The following MRE11 variants were observed in gnomAD, a reference collection of about 807,000 sequenced individuals.
MRE11 encodes the protein double-strand break repair protein MRE11.
A neutral mutation model predicts 91.7 loss-of-function variants in MRE11; 62 were observed. That is an observed-to-expected ratio of 0.68 (90% CI 0.55 to 0.84). MRE11 has a LOEUF of 0.84. Among genes scored for constraint, MRE11 ranks in the 40% least tolerant of loss-of-function variants. The pLI is 0.00. For synonymous variants in MRE11, 273 were observed against 271.4 expected (o/e 1.01, Z -0.06); for missense variants, 796 against 852.9 (o/e 0.93, Z 0.83).
chr11:94,507,335 T>A, the MRE11 span, among the ~76,000 whole-genome samples: 1 of 152,252 alleles, frequency 6.6e-6, no homozygotes, highest in Admixed American at 6.5e-5. Context: ...TTCCGTTATA[T>A]GAATATGTAA....
intron 11 of MRE11, 85 bp from the exon 12 acceptor site, chr11:94,461,121 G>T: frequency 8.4e-7 from 1 of 1,194,624 alleles, no homozygotes; most frequent in Non-Finnish European, 1.2e-6. Context: ...AGTGGAGAAG[G>T]TAAGGCCAAA....
chr11:94,426,768 T>C (rs1278976007), intron 19 of MRE11, among the ~76,000 whole-genome samples: 1 of 152,202 alleles, frequency 6.6e-6, no homozygotes, highest in African/African-American at 2.4e-5. Flanking sequence ...TAGAGACTAC[T>C]ATGAATAACT....
At chr11:94,460,024 A>C (rs910915919) in intron 12 of MRE11, among the ~76,000 whole-genome samples, 1 of 152,166 alleles carries the variant, frequency 6.6e-6, no homozygotes, top group Non-Finnish European at 1.5e-5. Flanking sequence ...AAAGCACAAG[A>C]GGGAGGCAGA....
chr11:94,418,304 T>C lies in MRE11; in HGVS notation c.*1821A>G. On this transcript the variant is annotated 3_prime_UTR_variant, in exon 20 of 20. Transcript: ENST00000323929. The stretch of plus-strand genomic sequence containing the variant: ...AATTAGCTGGAGAGATTTATCACCC[T>C]CTGTAACTGCTATGTCATCACTTTC... 1 of 233,182 alleles carries C rather than the reference T, an allele frequency of 4.3e-6. No homozygotes were observed. The highest frequency in any genetic ancestry group is 8.5e-6 in the Non-Finnish European group (1 of 117,992). The allele number at this position is 233,182 out of a possible 1,614,324, so 14.4% of individuals were successfully genotyped here.
chr11:94,424,254 CT>C (rs1292271359), intron 19 of MRE11, among the ~76,000 whole-genome samples: 6 of 152,300 alleles, frequency 3.9e-5, no homozygotes, highest in Admixed American at 3.3e-4. Context: ...CAAAATAATT[CT>C]GCCAATATAC....
chr11:94,451,955 C>T (rs1946117685), intron 14 of MRE11, among the ~76,000 whole-genome samples: 1 of 152,074 alleles, frequency 6.6e-6, no homozygotes, highest in African/African-American at 2.4e-5. Flanking sequence ...CCTGTCATCC[C>T]AGCACTTTGG....
intron 10 of MRE11, among the ~76,000 whole-genome samples, chr11:94,464,743 C>T (rs1366053067): frequency 1.3e-5 from 2 of 152,166 alleles, no homozygotes; most frequent in South Asian, 2.1e-4. Context: ...ACCTCCAAAA[C>T]ATGGTATCTC....
Position 94,419,519 on chromosome 11 carries a change from TA to T in MRE11, c.*605del, listed in dbSNP as rs1945115604. ...GAACACCATTAAGGATACAGAATAA[TA>T]AAGGAAATTACTACCACTTAATGGG... On this transcript the variant is annotated 3_prime_UTR_variant, in exon 20 of 20. Transcript: ENST00000323929. 4.5e-6 allele frequency: 1 copy of T among 221,616 alleles called. No individual in the cohort carries two copies. Among genetic ancestry groups the T allele is most frequent in the Admixed American group, 6.0e-5 (1 of 16,584 alleles). The allele number at this position is 221,616 out of a possible 1,614,324, so 13.7% of individuals were successfully genotyped here. A position where few individuals can be genotyped will look rare whatever the true frequency, so the allele number is the denominator to read the frequency against.
chr11:94,448,280 G>A (rs943802800), intron 14 of MRE11, among the ~76,000 whole-genome samples: 1 of 151,788 alleles, frequency 6.6e-6, no homozygotes, highest in African/African-American at 2.4e-5. Context: ...CAAATATATG[G>A]TAAAGAGAAT....
chr11:94,483,590 G>A (rs1433804093), intron 4 of MRE11, among the ~76,000 whole-genome samples: 4 of 152,176 alleles, frequency 2.6e-5, no homozygotes, highest in Non-Finnish European at 1.5e-5. Context: ...CTTCAGCCAC[G>A]ATTGTGAAGC....
intron 18 of MRE11, among the ~76,000 whole-genome samples, chr11:94,433,419 ACCT>A (rs1208276718): frequency 6.6e-6 from 1 of 151,928 alleles, no homozygotes; most frequent in East Asian, 1.9e-4. Flanking sequence ...ATCTCAAACA[ACCT>A]CCTTTTCCAC....
At chr11:94,472,914 A>G (rs1946753979) in intron 7 of MRE11, 1 of 152,132 alleles carries the variant, frequency 6.6e-6, no homozygotes, top group Non-Finnish European at 1.5e-5. Context: ...AAGTATGCAC[A>G]TGTATAACTT....
At chr11:94,458,686 C>T (rs1946329084) in intron 13 of MRE11, among the ~76,000 whole-genome samples, 1 of 152,088 alleles carries the variant, frequency 6.6e-6, no homozygotes, top group African/African-American at 2.4e-5. Context: ...ATACTACTAC[C>T]AGCAGTGTGC....
chr11:94,427,649 T>G (rs540439838), intron 19 of MRE11, among the ~76,000 whole-genome samples: 5 of 151,856 alleles, frequency 3.3e-5, no homozygotes, highest in Non-Finnish European at 7.4e-5. Flanking sequence ...CTAAAGACCC[T>G]GCCAAAAGGC....
the MRE11 span, among the ~76,000 whole-genome samples, chr11:94,510,946 G>T: frequency 6.6e-6 from 1 of 152,140 alleles, no homozygotes; most frequent in Admixed American, 6.5e-5. Flanking sequence ...TTTTGTTCAT[G>T]GCTGCATCCT....
rs1591724493 is a variant in MRE11, at chr11:94,489,397, T to C, written c.153+1436A>G. On this transcript the variant is annotated intron_variant, in intron 3 of 19. Coordinates refer to ENST00000323929, the MANE Select transcript of MRE11 (RefSeq NM_005591.4). ...GCAGGGGTCAAGATCAAGTCGAACC[T>C]TGTAGTTTGAATTTTATACTAGATT... is the stretch of plus-strand genomic sequence containing the variant. Among the ~76,000 whole-genome samples the C allele has an allele frequency of 2.0e-5, 3 of 152,216 alleles. No individual in the cohort carries two copies. In the South Asian group the frequency reaches 6.2e-4, roughly 32 times the overall value.
Position 94,437,167 on chromosome 11 carries a change from T to G in MRE11, c.1926+10A>C. 6.2e-7 allele frequency: 1 copy of G among 1,609,448 alleles called. No homozygotes were observed. Among genetic ancestry groups the G allele is most frequent in the Non-Finnish European group, 8.5e-7 (1 of 1,176,840 alleles). On this transcript the variant is annotated intron_variant, in intron 17 of 19. Coordinates refer to ENST00000323929, the MANE Select transcript of MRE11 (RefSeq NM_005591.4). ...TTATTAATACACAACCATAAAACTTTTTTTCTTACCTCTGAATAATTCTTA... is the reference window on the plus strand; with the variant it reads ...TTATTAATACACAACCATAAAACTTGTTTTCTTACCTCTGAATAATTCTTA...
chr11:94,435,574 T>A (rs894811136), intron 18 of MRE11, among the ~76,000 whole-genome samples: 3 of 151,848 alleles, frequency 2.0e-5, no homozygotes, highest in African/African-American at 7.2e-5. Context: ...AATAAATAAA[T>A]AAAAAGAAAG....
chr11:94,429,542 T>C (rs1945407838), intron 19 of MRE11, among the ~76,000 whole-genome samples: 1 of 152,208 alleles, frequency 6.6e-6, no homozygotes, highest in South Asian at 2.1e-4. Context: ...TGGAGGCCAC[T>C]ATCCTAAGCA....
Sources: gnomAD v4.1 joint callset for allele counts (sites outside exome capture counted in the v4.1 genomes callset) on GRCh38, gnomAD v4.1.1 for gene constraint, MANE v1.5 for transcripts, NCBI Gene and HGNC (gene_info 2026-07-23, HGNC 2026-07-21) for gene names.